Variants in MGAT4D observed in about 807,000 individuals in gnomAD.
MGAT4D encodes alpha-1,3-mannosyl-glycoprotein 4-beta-N-acetylglucosaminyltransferase-like protein MGAT4D.
A neutral mutation model predicts 15.9 loss-of-function variants in MGAT4D; 34 were observed. The ratio of observed to expected loss-of-function variants is 2.14; its 90% CI spans 1.62 to 2.84. The LOEUF (loss-of-function observed/expected upper bound fraction) is 2.84, where lower values mean the gene tolerates loss of function less well. Ranked by LOEUF, MGAT4D falls within the 30% of genes most tolerant of loss-of-function variation. MGAT4D has a pLI of 0.00. For missense variants in MGAT4D, 327 were observed against 140.2 expected (o/e 2.33, Z -6.73); for synonymous variants, 112 against 48.2 (o/e 2.33, Z -5.49).
At chr4:140,492,983 T>C (rs1355025871) in intron 1 of MGAT4D, among the ~76,000 whole-genome samples, 2 of 152,188 alleles carry the variant, frequency 1.3e-5, no homozygotes, top group Admixed American at 6.5e-5. Flanking sequence ...TTTTCAAAAA[T>C]ACATTCTTAT....
At chr4:140,473,575 G>C (rs980210466) in intron 4 of MGAT4D, among the ~76,000 whole-genome samples, 11 of 152,214 alleles carry the variant, frequency 7.2e-5, no homozygotes, top group Non-Finnish European at 1.6e-4. Context: ...AATTAAGTAA[G>C]TTGCTCAAGT....
At chr4:140,455,967 T>C (rs1730769499) in intron 9 of MGAT4D, among the ~76,000 whole-genome samples, 1 of 152,110 alleles carries the variant, frequency 6.6e-6, no homozygotes. Flanking sequence ...CAAAAACCTG[T>C]CTCTGCATAA....
chr4:140,452,974 A>G (rs1730566602), intron 9 of MGAT4D, among the ~76,000 whole-genome samples: 1 of 152,118 alleles, frequency 6.6e-6, no homozygotes, highest in African/African-American at 2.4e-5. Flanking sequence ...GAGATATGGC[A>G]CCAATTGATC....
chr4:140,478,172 G>A (rs1393847913), intron 3 of MGAT4D, among the ~76,000 whole-genome samples: 2 of 152,070 alleles, frequency 1.3e-5, no homozygotes, highest in Non-Finnish European at 2.9e-5. Context: ...TAAATTGTTG[G>A]GGAATTAGAA....
In MGAT4D at chr4:140,442,625, C is replaced by T. The variant is rs986486939; in HGVS notation, c.*811G>A. 2.0e-5 allele frequency: 3 copies of T among 152,030 alleles called. No homozygotes were observed. Among genetic ancestry groups the T allele is most frequent in the African/African-American group, 7.2e-5 (3 of 41,424 alleles). The allele number at this position is 152,030 out of a possible 1,614,324, so 9.4% of individuals were successfully genotyped here. A position where few individuals can be genotyped will look rare whatever the true frequency, so the allele number is the denominator to read the frequency against. On this transcript the variant is annotated 3_prime_UTR_variant, in exon 11 of 11. Transcript: ENST00000511113. ...AGATATTTTTAAAGCACAAAACCAA[C>T]ACTTTTAAAAACAAATGAATATAAC...
At chr4:140,485,850 C>CAAAAAAAAAAAAAAAAAAAAAAAAAA (rs1578712314) in intron 1 of MGAT4D, among the ~76,000 whole-genome samples, 3 of 41,930 alleles carry the variant, frequency 7.2e-5, no homozygotes, top group Admixed American at 2.9e-4. Flanking sequence ...AAAAAAAAAG[C>CAAAAAAAAAAAAAAAAAAAAAAAAAA]AATGATGATA....
rs1729845158 is a variant in MGAT4D, at chr4:140,442,571, T to G, written c.*865A>C. 1 of 152,114 alleles carries G rather than the reference T, an allele frequency of 6.6e-6. No homozygotes were observed. Among genetic ancestry groups the G allele is most frequent in the South Asian group, 2.1e-4 (1 of 4,836 alleles). 9.4% of individuals were successfully genotyped at this position (152,114 alleles called of 1,614,324 possible). A position where few individuals can be genotyped will look rare whatever the true frequency, so the allele number is the denominator to read the frequency against. On this transcript the variant is annotated 3_prime_UTR_variant, in exon 11 of 11. Coordinates refer to ENST00000511113, the MANE Select transcript of MGAT4D (RefSeq NM_001277353.2). ...TAGAAAGCCTGATATAAGAGAATTT[T>G]GCACCCAATAGATAGGAATACTTTT... is the stretch of plus-strand genomic sequence containing the variant.
At chr4:140,468,123 C>T in intron 5 of MGAT4D, among the ~76,000 whole-genome samples, 1 of 151,440 alleles carries the variant, frequency 6.6e-6, no homozygotes, top group South Asian at 2.1e-4. Flanking sequence ...TGAATATTCA[C>T]TATTATATTA....
intron 10 of MGAT4D, among the ~76,000 whole-genome samples, chr4:140,448,896 A>C (rs546813639): frequency 6.6e-6 from 1 of 152,338 alleles, no homozygotes; most frequent in East Asian, 1.9e-4. Flanking sequence ...CATCACCTCC[A>C]ACTAGGCTTG....
intron 1 of MGAT4D, among the ~76,000 whole-genome samples, chr4:140,488,142 T>G (rs867653909): frequency 9.5e-4 from 144 of 152,302 alleles, no homozygotes; most frequent in African/African-American, 3.4e-3. Context: ...ATGATTAATC[T>G]TCTGGAAACA....
At chr4:140,485,174 A>G (rs1275821997) in intron 1 of MGAT4D, among the ~76,000 whole-genome samples, 3 of 152,186 alleles carry the variant, frequency 2.0e-5, no homozygotes, top group South Asian at 2.1e-4. Context: ...ATGATAGACT[A>G]GATTAAGAAA....
intron 1 of MGAT4D, among the ~76,000 whole-genome samples, chr4:140,483,364 A>T (rs1270312406): frequency 6.6e-6 from 1 of 152,196 alleles, no homozygotes; most frequent in African/African-American, 2.4e-5. Context: ...TGGGTGAAAG[A>T]AATTGAAGAC....
chr4:140,456,464 GA>G, intron 9 of MGAT4D, 124 bp downstream of exon 9: 1 of 419,320 alleles, frequency 2.4e-6, no homozygotes. Context: ...CAAAATTTGG[GA>G]TATTAGAAAT....
chr4:140,465,116 T>G (rs1031756699), intron 5 of MGAT4D, 107 bp from the exon 6 acceptor site: 4 of 567,200 alleles, frequency 7.1e-6, no homozygotes, highest in African/African-American at 5.6e-5. Flanking sequence ...ATATTTGATT[T>G]GAATTATTTC....
At chr4:140,461,541 T>G (rs1010079595) in intron 7 of MGAT4D, among the ~76,000 whole-genome samples, 1 of 152,126 alleles carries the variant, frequency 6.6e-6, no homozygotes, top group East Asian at 1.9e-4. Context: ...CAATGATAAG[T>G]GTATACAATG....
chr4:140,470,973 C>T (rs1432441694), intron 5 of MGAT4D, among the ~76,000 whole-genome samples: 3 of 151,818 alleles, frequency 2.0e-5, no homozygotes, highest in Admixed American at 6.6e-5. Context: ...AAGCCTCCAC[C>T]TCCCAGGCAC....
At chr4:140,477,173 C>T (rs1033256012) in intron 3 of MGAT4D, among the ~76,000 whole-genome samples, 4 of 152,118 alleles carry the variant, frequency 2.6e-5, no homozygotes, top group African/African-American at 4.8e-5. Context: ...CTCTACTTTC[C>T]GCTATCCACC....
At chr4:140,470,192 T>A (rs536253845) in intron 5 of MGAT4D, among the ~76,000 whole-genome samples, 61 of 152,376 alleles carry the variant, frequency 4.0e-4, no homozygotes, top group African/African-American at 1.4e-3. Flanking sequence ...ACCAATTGTT[T>A]GTGTGAAATT....
chr4:140,445,377 G>T, intron 10 of MGAT4D, among the ~76,000 whole-genome samples: 1 of 152,076 alleles, frequency 6.6e-6, no homozygotes, highest in South Asian at 2.1e-4. Flanking sequence ...TAATGGGGTT[G>T]TTTGTTTTTT....
Sources: allele counts gnomAD v4.1 joint callset (sites outside exome capture counted in the v4.1 genomes callset), GRCh38; gene constraint gnomAD v4.1.1; transcripts MANE v1.5; gene names NCBI Gene and HGNC (gene_info 2026-07-23, HGNC 2026-07-21).